The following METTL15 variants were observed in gnomAD, a reference collection of about 807,000 sequenced individuals.
METTL15 encodes the protein 12S rRNA N(4)-cytidine methyltransferase METTL15.
METTL15 carries 34 observed loss-of-function variants against 38.3 expected under a neutral mutation model. That is an observed-to-expected ratio of 0.89 (90% CI 0.68 to 1.18). The LOEUF (loss-of-function observed/expected upper bound fraction) is 1.18, where lower values mean the gene tolerates loss of function less well. Among genes scored for constraint, METTL15 ranks in the 50% most tolerant of loss-of-function variants. The probability of loss-of-function intolerance (pLI) is 0.00; values close to 1 mark genes in which losing one functional copy is unlikely to be tolerated. For missense variants in METTL15, 438 were observed against 498.4 expected, an observed-to-expected ratio of 0.88 and a Z score of 1.15; for synonymous variants, 162 against 170.9, an observed-to-expected ratio of 0.95 and a Z score of 0.41.
At chr11:28,499,561 A>G (rs1279571930) in intron 6 of METTL15, among the ~76,000 whole-genome samples, 2 of 152,238 alleles carry the variant, frequency 1.3e-5, no homozygotes, top group African/African-American at 4.8e-5. Context: ...CCAATCTGAG[A>G]TTCTTTCCAT....
At chr11:28,139,493 CA>C (rs1849624524) in intron 3 of METTL15, among the ~76,000 whole-genome samples, 1 of 152,118 alleles carries the variant, frequency 6.6e-6, no homozygotes. Context: ...CCCTTGTTAA[CA>C]GGGGGCCTAG....
rs1437112554 is a variant in METTL15 at position 28,122,371 on chromosome 11, G to GTGTGTGTA, written c.270+8768_270+8769insGTGTGTAT. On this transcript the variant is annotated intron_variant, in intron 3 of 6. Transcript: ENST00000407364. ...TGTGTGTGTGTGTGTGTGTGTGTGTGTATATATATATATATATAGTCTTTT... is the reference window on the plus strand; with the variant it reads ...TGTGTGTGTGTGTGTGTGTGTGTGTGTGTGTGTATATATATATATATATATAGTCTTTT... Among the ~76,000 whole-genome samples, 38 of 77,690 alleles carry GTGTGTGTA rather than the reference G, an allele frequency of 4.9e-4. 1 individual carries two copies. The highest frequency in any genetic ancestry group is 7.1e-4 in the Non-Finnish European group (29 of 40,850). The allele number at this position is 77,690 out of a possible 152,430, so 51.0% of individuals were successfully genotyped here.
rs548040954 is a variant in METTL15, at chr11:28,333,113, T to A, written c.*2272T>A. ...GTTGCCAACCCTGCTAACATGGTTT[T>A]GCACATCTAGCATCCAGAACAGTGA... On this transcript the variant is annotated 3_prime_UTR_variant, in exon 7 of 7. Transcript: ENST00000407364. 2.6e-5 allele frequency: 4 copies of A among 151,590 alleles called. No homozygotes were observed. The South Asian group carries it at 8.3e-4, about 32-fold the overall frequency. The allele number at this position is 151,590 out of a possible 1,614,324, so 9.4% of individuals were successfully genotyped here.
intron 5 of METTL15, among the ~76,000 whole-genome samples, chr11:28,414,482 A>G (rs1236612422): frequency 1.3e-5 from 2 of 152,122 alleles, no homozygotes; most frequent in African/African-American, 2.4e-5. Context: ...CCTAATCTGA[A>G]GAGGGGCAAG....
At chr11:28,255,474 C>T (rs1157873170) in intron 4 of METTL15, among the ~76,000 whole-genome samples, 1 of 152,116 alleles carries the variant, frequency 6.6e-6, no homozygotes, top group African/African-American at 2.4e-5. Flanking sequence ...CTAGGACTTC[C>T]AGTACTGTGT....
chr11:28,131,726 T>TA (rs1436372961), intron 3 of METTL15, among the ~76,000 whole-genome samples: 2 of 152,206 alleles, frequency 1.3e-5, no homozygotes, highest in Non-Finnish European at 2.9e-5. Flanking sequence ...TTCAAATTGA[T>TA]AAAGTTTTAA....
At chr11:28,254,306 T>G (rs1854878856) in intron 4 of METTL15, among the ~76,000 whole-genome samples, 1 of 152,218 alleles carries the variant, frequency 6.6e-6, no homozygotes. Context: ...TCAGATCTTT[T>G]GCTGACTTTT....
chr11:28,235,514 T>C (rs1853914964), intron 4 of METTL15, among the ~76,000 whole-genome samples: 1 of 152,186 alleles, frequency 6.6e-6, no homozygotes, highest in Non-Finnish European at 1.5e-5. Flanking sequence ...CTTGAAGAGG[T>C]CCTTCACGTC....
chr11:28,255,777 C>T (rs958580568), intron 4 of METTL15, among the ~76,000 whole-genome samples: 3 of 152,212 alleles, frequency 2.0e-5, no homozygotes, highest in African/African-American at 7.2e-5. Context: ...GACCTTGGCT[C>T]ACCGCAACCT....
chr11:28,290,474 G>T, intron 5 of METTL15, 77 bp downstream of exon 5: 2 of 1,396,444 alleles, frequency 1.4e-6, no homozygotes, highest in Middle Eastern at 3.7e-4. Context: ...ATTTTTTTAA[G>T]ACTACAGAAT....
chr11:28,457,620 C>T (rs532097274), intron 6 of METTL15, among the ~76,000 whole-genome samples: 35 of 152,286 alleles, frequency 2.3e-4, no homozygotes, highest in East Asian at 2.1e-3. Context: ...GATTCCCCCA[C>T]GTCTAGCATT....
rs1218200241 is a variant in METTL15, at chr11:28,129,981, AATTC to A, written c.270+16380_270+16383del. Among the ~76,000 whole-genome samples, 3 of 152,208 alleles carry A rather than the reference AATTC, an allele frequency of 2.0e-5. No homozygotes were observed. In the East Asian group the frequency reaches 5.8e-4, roughly 29 times the overall value. On this transcript the variant is annotated intron_variant, in intron 3 of 6. Coordinates refer to ENST00000407364, the MANE Select transcript of METTL15 (RefSeq NM_001113528.2). Reference sequence around the variant, plus strand: ...TGATGGAGAAAAAGCTAGGGTACACAATTCATGGGGAAAAGAGAAGAGGGCTTTC... The same window carrying A: ...TGATGGAGAAAAAGCTAGGGTACACAATGGGGAAAAGAGAAGAGGGCTTTC...
intron 3 of METTL15, among the ~76,000 whole-genome samples, chr11:28,202,931 A>T (rs1852169066): frequency 6.6e-6 from 1 of 152,024 alleles, no homozygotes; most frequent in African/African-American, 2.4e-5. Flanking sequence ...TTCATTTTCG[A>T]CAGTGTTGTT....
chr11:28,491,319 G>A (rs1217015357), intron 6 of METTL15, among the ~76,000 whole-genome samples: 1 of 152,116 alleles, frequency 6.6e-6, no homozygotes, highest in African/African-American at 2.4e-5. Flanking sequence ...TTTCATTCTT[G>A]ATTCTAGAAG....
chr11:28,296,023 G>C (rs1379199020), intron 5 of METTL15, among the ~76,000 whole-genome samples: 1 of 152,072 alleles, frequency 6.6e-6, no homozygotes, highest in Non-Finnish European at 1.5e-5. Flanking sequence ...AGTAAATGCT[G>C]TTTCTGACTA....
chr11:28,153,377 C>T (rs1850158755), intron 3 of METTL15, among the ~76,000 whole-genome samples: 1 of 152,100 alleles, frequency 6.6e-6, no homozygotes, highest in Admixed American at 6.6e-5. Context: ...ACAGTACTCT[C>T]CATGCTGGCA....
At chr11:28,253,777 G>T (rs1292173238) in intron 4 of METTL15, among the ~76,000 whole-genome samples, 1 of 151,936 alleles carries the variant, frequency 6.6e-6, no homozygotes, top group African/African-American at 2.4e-5. Flanking sequence ...ATGACCTCCA[G>T]TTCCATTCAT....
intron 6 of METTL15, among the ~76,000 whole-genome samples, chr11:28,440,825 G>A (rs1851027653): frequency 6.6e-6 from 1 of 152,062 alleles, no homozygotes; most frequent in African/African-American, 2.4e-5. Context: ...CCAGCCCTCT[G>A]CCATTAATAC....
intron 3 of METTL15, among the ~76,000 whole-genome samples, chr11:28,186,131 CA>C (rs1851485762): frequency 6.6e-6 from 1 of 150,836 alleles, no homozygotes; most frequent in African/African-American, 2.4e-5. Context: ...CCAGGAAAGA[CA>C]GTAATTCAGG....
Sources: allele counts gnomAD v4.1 joint callset (sites outside exome capture counted in the v4.1 genomes callset), GRCh38; gene constraint gnomAD v4.1.1; transcripts MANE v1.5; gene names NCBI Gene and HGNC (gene_info 2026-07-23, HGNC 2026-07-21).